The following FCHSD2 variants were observed in gnomAD, a reference collection of about 807,000 sequenced individuals.
FCHSD2 encodes FCH and double SH3 domains 2, also known as F-BAR and double SH3 domains protein 2.
A neutral mutation model predicts 108.1 loss-of-function variants in FCHSD2; 38 were observed. That is an observed-to-expected ratio of 0.35 (90% CI 0.27 to 0.46). FCHSD2 has a LOEUF of 0.46. Among genes scored for constraint, FCHSD2 ranks in the 20% least tolerant of loss-of-function variants. The probability of loss-of-function intolerance (pLI) is 1.00; values close to 1 mark genes in which losing one functional copy is unlikely to be tolerated. For synonymous variants in FCHSD2, 279 were observed against 314.7 expected (o/e 0.89, Z 1.20); for missense variants, 751 against 897.8 (o/e 0.84, Z 2.09).
intron 3 of FCHSD2, 141 bp from the exon 4 acceptor site, chr11:73,016,026 C>T (rs1173206504): frequency 3.4e-6 from 2 of 589,452 alleles, no homozygotes; most frequent in East Asian, 3.0e-5. Flanking sequence ...TGATAGGCTG[C>T]ACGTGGTGGC....
intron 5 of FCHSD2, among the ~76,000 whole-genome samples, chr11:72,992,199 T>C (rs1161216480): frequency 6.6e-6 from 1 of 152,046 alleles, no homozygotes; most frequent in African/African-American, 2.4e-5. Context: ...GGAATCCAAC[T>C]TACAAGGGAT....
chr11:73,063,699 T>C (rs745959500), intron 3 of FCHSD2, among the ~76,000 whole-genome samples: 9 of 152,266 alleles, frequency 5.9e-5, no homozygotes, highest in Non-Finnish European at 1.3e-4. Flanking sequence ...AAGAACGGTA[T>C]TACATATTGG....
chr11:72,987,897 T>C (rs779269081), intron 6 of FCHSD2, among the ~76,000 whole-genome samples: 1 of 152,184 alleles, frequency 6.6e-6, no homozygotes, highest in African/African-American at 2.4e-5. Flanking sequence ...ACTGACTCTA[T>C]AAAAGTACAG....
intron 5 of FCHSD2, among the ~76,000 whole-genome samples, chr11:72,989,847 A>G (rs1857377317): frequency 6.6e-6 from 1 of 152,224 alleles, no homozygotes; most frequent in Non-Finnish European, 1.5e-5. Flanking sequence ...TAGAGCAGTT[A>G]CATCTAAAAA....
chr11:73,070,709 A>T (rs1032943506), intron 3 of FCHSD2, among the ~76,000 whole-genome samples: 1 of 151,926 alleles, frequency 6.6e-6, no homozygotes, highest in Non-Finnish European at 1.5e-5. Context: ...TACAGGCGTG[A>T]GCCACCATAC....
At chr11:72,967,726 C>T (rs1203262398) in intron 8 of FCHSD2, among the ~76,000 whole-genome samples, 4 of 152,090 alleles carry the variant, frequency 2.6e-5, no homozygotes, top group African/African-American at 9.7e-5. Flanking sequence ...TATAATAAAA[C>T]CACTGAATTT....
At chr11:72,961,770 G>C (rs1856822994) in intron 8 of FCHSD2, among the ~76,000 whole-genome samples, 1 of 152,138 alleles carries the variant, frequency 6.6e-6, no homozygotes, top group South Asian at 2.1e-4. Context: ...ATCATCAATA[G>C]TCAAAAATAT....
chr11:72,870,417 G>C (rs1005059130), intron 12 of FCHSD2, among the ~76,000 whole-genome samples: 3 of 151,916 alleles, frequency 2.0e-5, no homozygotes, highest in Non-Finnish European at 4.4e-5. Context: ...ATATAACTGT[G>C]CTTCTACTTT....
At chr11:73,105,394 AC>A (rs1449930805) in intron 2 of FCHSD2, among the ~76,000 whole-genome samples, 1 of 152,286 alleles carries the variant, frequency 6.6e-6, no homozygotes, top group African/African-American at 2.4e-5. Flanking sequence ...TCTATATAAG[AC>A]ACCACCATGC....
chr11:73,048,780 A>G (rs761894837), intron 3 of FCHSD2, among the ~76,000 whole-genome samples: 4 of 152,224 alleles, frequency 2.6e-5, no homozygotes, highest in Non-Finnish European at 5.9e-5. Flanking sequence ...GGATGTATGT[A>G]TAGTTCACCT....
chr11:73,112,538 G>T lies in FCHSD2; in HGVS notation c.119+27493C>A, dbSNP rs1186660814. The stretch of plus-strand genomic sequence containing the variant: ...CTTGAATACTGATAGCTTTCCCTAG[G>T]TTTGGGAAGTTCTCTGTTGTTATCC... On this transcript the variant is annotated intron_variant, in intron 2 of 19. Coordinates refer to ENST00000409418, the MANE Select transcript of FCHSD2 (RefSeq NM_014824.3). Among the ~76,000 whole-genome samples the T allele has an allele frequency of 5.3e-5, 8 of 152,104 alleles. No individual in the cohort carries two copies. In the South Asian group the frequency reaches 1.5e-3, roughly 28 times the overall value.
intron 3 of FCHSD2, among the ~76,000 whole-genome samples, chr11:73,030,669 T>C (rs540331289): frequency 6.6e-6 from 1 of 152,086 alleles, no homozygotes; most frequent in Non-Finnish European, 1.5e-5. Context: ...CAAAGAAAAA[T>C]ATATTAATAG....
intron 8 of FCHSD2, among the ~76,000 whole-genome samples, chr11:72,945,387 C>G (rs949638224): frequency 6.6e-6 from 1 of 152,134 alleles, no homozygotes; most frequent in African/African-American, 2.4e-5. Context: ...ACACCTTATA[C>G]AAAAATTAAT....
At chr11:72,852,060 T>G (rs1478552285) in intron 13 of FCHSD2, among the ~76,000 whole-genome samples, 4 of 150,878 alleles carry the variant, frequency 2.7e-5, no homozygotes, top group South Asian at 4.2e-4. Flanking sequence ...TTTTTGGTGT[T>G]TTTTTTTTGG....
At chr11:72,930,605 C>G (rs1359896696) in intron 8 of FCHSD2, among the ~76,000 whole-genome samples, 1 of 152,014 alleles carries the variant, frequency 6.6e-6, no homozygotes, top group African/African-American at 2.4e-5. Flanking sequence ...ATTAGCTGGG[C>G]GTGGTGGTGC....
intron 8 of FCHSD2, among the ~76,000 whole-genome samples, chr11:72,983,451 G>C (rs1487547652): frequency 2.6e-5 from 4 of 152,112 alleles, no homozygotes; most frequent in African/African-American, 9.7e-5. Context: ...CTGGACAACA[G>C]AGCGAGACCT....
chr11:72,901,900 A>C (rs1189250459), intron 10 of FCHSD2, among the ~76,000 whole-genome samples: 1 of 152,014 alleles, frequency 6.6e-6, no homozygotes, highest in South Asian at 2.1e-4. Flanking sequence ...TTTGAGACAG[A>C]ATCTCACTCT....
intron 1 of FCHSD2, chr11:73,141,470 T>C: frequency 4.2e-6 from 1 of 236,222 alleles, no homozygotes. Context: ...GGCTCAAAGC[T>C]GGTGCAGACT....
At position 73,087,293 on chromosome 11, in the gene FCHSD2, A is replaced by G. The variant is rs149138489; in HGVS notation, c.120-3553T>C. ...AGAAAATATTTTTATACAGTTGTAC[A>G]ATATGTGTTTTAAGCTAAATGCTAT... On this transcript the variant is annotated intron_variant, in intron 2 of 19. Transcript: ENST00000409418. 5.0e-3 allele frequency among the ~76,000 whole-genome samples: 757 copies of G among 152,348 alleles called. 3 individuals carry two copies. Among genetic ancestry groups the G allele is most frequent in the Admixed American group, 6.7e-3 (102 of 15,298 alleles).
Sources: gnomAD v4.1 joint callset for allele counts (sites outside exome capture counted in the v4.1 genomes callset) on GRCh38, gnomAD v4.1.1 for gene constraint, MANE v1.5 for transcripts, NCBI Gene and HGNC (gene_info 2026-07-23, HGNC 2026-07-21) for gene names.